Variants in BDNF observed in about 807,000 individuals in gnomAD.
BDNF encodes the protein brain derived neurotrophic factor.
BDNF carries 1 observed loss-of-function variant against 19.5 expected under a neutral mutation model. The observed-to-expected ratio is 0.05, with a 90% CI of 0.02 to 0.24. The LOEUF (loss-of-function observed/expected upper bound fraction) is 0.24, where lower values mean the gene tolerates loss of function less well. Ranked by LOEUF, BDNF falls within the 10% of genes least tolerant of loss-of-function variation. The pLI is 1.00. For missense variants in BDNF, 195 were observed against 317.6 expected (o/e 0.61, Z 2.93); for synonymous variants, 100 against 121.6 (o/e 0.82, Z 1.17).
intron 1 of BDNF, chr11:27,699,294 C>T: frequency 6.4e-7 from 1 of 1,562,320 alleles, no homozygotes; most frequent in Non-Finnish European, 8.8e-7. Context: ...TTAGGGATGC[C>T]CCTAGTCTGT....
At chr11:27,720,510 G>C (rs1276281223) in intron 1 of BDNF, 3 of 985,852 alleles carry the variant, frequency 3.0e-6, no homozygotes, top group Non-Finnish European at 3.6e-6. Context: ...CCAAACTGGG[G>C]CTCGCTTTCC....
At chr11:27,694,944 T>C (rs1858810616) in intron 1 of BDNF, among the ~76,000 whole-genome samples, 2 of 152,234 alleles carry the variant, frequency 1.3e-5, no homozygotes, top group Non-Finnish European at 2.9e-5. Context: ...AAAAGGATGC[T>C]AGCCGTTGAT....
chr11:27,669,790 C>T (rs937059622), intron 1 of BDNF, among the ~76,000 whole-genome samples: 1 of 152,148 alleles, frequency 6.6e-6, no homozygotes, highest in African/African-American at 2.4e-5. Flanking sequence ...ATTCCATTCT[C>T]ATGGGTAGGA....
chr11:27,721,319 GC>G, intron 1 of BDNF: 1 of 1,414,290 alleles, frequency 7.1e-7, no homozygotes, highest in Non-Finnish European at 1.0e-6. Context: ...CTGTTCTTTG[GC>G]GTGTGAAGTG....
At chr11:27,670,845 G>A (rs939877413) in intron 1 of BDNF, among the ~76,000 whole-genome samples, 7 of 152,222 alleles carry the variant, frequency 4.6e-5, no homozygotes, top group Non-Finnish European at 8.8e-5. Flanking sequence ...GGAAGACAGT[G>A]TGGCGATTCC....
chr11:27,679,776 C>A (rs1856619108), intron 1 of BDNF, among the ~76,000 whole-genome samples: 1 of 152,204 alleles, frequency 6.6e-6, no homozygotes, highest in African/African-American at 2.4e-5. Flanking sequence ...AGGTGCACGT[C>A]AGGGGCACAA....
upstream of BDNF, chr11:27,700,621 C>G: frequency 2.0e-6 from 2 of 983,974 alleles, no homozygotes; most frequent in Non-Finnish European, 2.4e-6. Context: ...CTTTTCCTCG[C>G]GCGGGGAACC....
Position 27,656,959 on chromosome 11 carries a change from G to T in BDNF, c.*862C>A, listed in dbSNP as rs995356885. 1.8e-5 allele frequency: 18 copies of T among 985,148 alleles called. No individual in the cohort carries two copies. The South Asian group carries it at 1.9e-4, about 10-fold the overall frequency. The allele number at this position is 985,148 out of a possible 1,614,324, so 61.0% of individuals were successfully genotyped here. A position where few individuals can be genotyped will look rare whatever the true frequency, so the allele number is the denominator to read the frequency against. ...AACAAAGAGGAGACCAGAGGGGGAG[G>T]GGGGGAAAGAATGTGTTCTGAGCAA... On this transcript the variant is annotated 3_prime_UTR_variant, in exon 2 of 2. Transcript: ENST00000356660.
chr11:27,676,715 G>A (rs1371982458), intron 1 of BDNF, among the ~76,000 whole-genome samples: 3 of 152,160 alleles, frequency 2.0e-5, no homozygotes, highest in Non-Finnish European at 2.9e-5. Context: ...CAAATGTTGA[G>A]TAAGTGTAAA....
intron 1 of BDNF, among the ~76,000 whole-genome samples, chr11:27,710,938 G>A (rs527595164): frequency 3.9e-4 from 59 of 152,288 alleles, no homozygotes; most frequent in Non-Finnish European, 6.0e-4. Flanking sequence ...GAACATGCAG[G>A]TGAAAAGTTT....
intron 1 of BDNF, among the ~76,000 whole-genome samples, chr11:27,714,838 G>A (rs1172178561): frequency 6.6e-6 from 1 of 152,156 alleles, no homozygotes; most frequent in Non-Finnish European, 1.5e-5. Context: ...AGGAAGCAGA[G>A]ATCAAGAGTG....
At chr11:27,700,619 C>A, upstream of BDNF, 2 of 984,232 alleles carry the variant, frequency 2.0e-6, no homozygotes, top group African/African-American at 1.8e-5. Flanking sequence ...GTCTTTTCCT[C>A]GCGCGGGGAA....
chr11:27,694,738 C>T (rs1858774163), intron 1 of BDNF, among the ~76,000 whole-genome samples: 1 of 151,682 alleles, frequency 6.6e-6, no homozygotes, highest in Non-Finnish European at 1.5e-5. Flanking sequence ...TTATTTTATT[C>T]TCACATCTTC....
At chr11:27,667,781 C>T (rs1212193364) in intron 1 of BDNF, among the ~76,000 whole-genome samples, 1 of 152,142 alleles carries the variant, frequency 6.6e-6, no homozygotes, top group Admixed American at 6.5e-5. Context: ...TCCTTAGAGA[C>T]CTACAAAGAG....
At position 27,657,463 on chromosome 11, in the gene BDNF, GTT is replaced by G. The variant is rs3838785; in HGVS notation, c.*356_*357del. On this transcript the variant is annotated 3_prime_UTR_variant, in exon 2 of 2. Coordinates refer to ENST00000356660, the MANE Select transcript of BDNF (RefSeq NM_001709.5). This position sits in a 1 kb window ranked among gnomAD's most constrained non-coding sequence, Gnocchi z 5.0. ...TCAAATTTTTGTTGTGTGTGTGTGT[GTT>G]TTTTTTCTGTTTTCTGAAAGAGGAC... 4.8e-6 allele frequency: 5 copies of G among 1,041,504 alleles called. No homozygotes were observed. Among genetic ancestry groups the G allele is most frequent in the African/African-American group, 3.4e-5 (2 of 58,348 alleles). 64.5% of individuals were successfully genotyped at this position (1,041,504 alleles called of 1,614,324 possible). A position where few individuals can be genotyped will look rare whatever the true frequency, so the allele number is the denominator to read the frequency against.
chr11:27,666,813 G>A (rs1194453406), intron 1 of BDNF, among the ~76,000 whole-genome samples: 8 of 151,842 alleles, frequency 5.3e-5, no homozygotes, highest in African/African-American at 1.9e-4. Context: ...TGAAAGTGAT[G>A]GGGAGAATGG....
chr11:27,664,577 G>A (rs1317848669), intron 1 of BDNF, among the ~76,000 whole-genome samples: 2 of 152,100 alleles, frequency 1.3e-5, no homozygotes, highest in Non-Finnish European at 2.9e-5. Context: ...CCAGGAATTC[G>A]AGATCAACCT....
intron 1 of BDNF, among the ~76,000 whole-genome samples, chr11:27,691,431 A>C (rs1236400170): frequency 1.3e-5 from 2 of 152,234 alleles, no homozygotes; most frequent in Non-Finnish European, 2.9e-5. Context: ...AAATGAATTA[A>C]TGAAAGAACC....
At chr11:27,701,998 A>G (rs984322548), upstream of BDNF, among the ~76,000 whole-genome samples, 2 of 150,772 alleles carry the variant, frequency 1.3e-5, no homozygotes, top group South Asian at 4.2e-4. Flanking sequence ...GCAGCAAAAG[A>G]GCAAATAGCC....
Sources: allele counts gnomAD v4.1 joint callset (sites outside exome capture counted in the v4.1 genomes callset), GRCh38; gene constraint gnomAD v4.1.1; non-coding constraint Gnocchi (gnomAD v3.1); transcripts MANE v1.5; gene names NCBI Gene and HGNC (gene_info 2026-07-23, HGNC 2026-07-21).